Variants in LINGO2 observed in about 807,000 individuals in gnomAD.
The protein encoded by LINGO2 is leucine rich repeat and Ig domain containing 2, also known as leucine-rich repeat and immunoglobulin-like domain-containing nogo receptor-interacting protein 2.
Under a neutral mutation model 30.6 loss-of-function variants are expected in LINGO2, and 14 were observed. That is an observed-to-expected ratio of 0.46 (90% CI 0.30 to 0.72). The LOEUF is 0.72. Among genes scored for constraint, LINGO2 ranks in the 30% least tolerant of loss-of-function variants. The probability of loss-of-function intolerance (pLI) is 0.07; values close to 1 mark genes in which losing one functional copy is unlikely to be tolerated. For synonymous variants in LINGO2, 317 were observed against 288.5 expected (o/e 1.10, Z -1.00); for missense variants, 729 against 751.7 (o/e 0.97, Z 0.35).
At chr9:28,602,606 G>A (rs546358250) in intron 1 of LINGO2, among the ~76,000 whole-genome samples, 1 of 152,054 alleles carries the variant, frequency 6.6e-6, no homozygotes, top group East Asian at 1.9e-4. Flanking sequence ...TTTTTCCAGA[G>A]AAAAGAAATA....
chr9:28,826,535 A>G, the LINGO2 span, among the ~76,000 whole-genome samples: 1 of 152,138 alleles, frequency 6.6e-6, no homozygotes, highest in African/African-American at 2.4e-5. Context: ...GTCTTGTTAA[A>G]TATGCTCCAG....
At chr9:28,080,072 G>T (rs1182280018) in intron 4 of LINGO2, among the ~76,000 whole-genome samples, 1 of 152,140 alleles carries the variant, frequency 6.6e-6, no homozygotes, top group Admixed American at 6.5e-5. Context: ...CCACTGTTAT[G>T]CCATAGTCTA....
chr9:28,109,381 G>C (rs939308028), intron 4 of LINGO2, among the ~76,000 whole-genome samples: 1 of 152,172 alleles, frequency 6.6e-6, no homozygotes, highest in African/African-American at 2.4e-5. Flanking sequence ...CATAGTATTG[G>C]AAGTTCTGGC....
intron 1 of LINGO2, among the ~76,000 whole-genome samples, chr9:28,556,011 T>C (rs1822662055): frequency 2.6e-5 from 4 of 152,094 alleles, no homozygotes; most frequent in Admixed American, 2.6e-4. Context: ...TAATATGAGC[T>C]ATCTATGACA....
the LINGO2 span, among the ~76,000 whole-genome samples, chr9:28,764,097 G>T: frequency 6.6e-6 from 1 of 150,982 alleles, no homozygotes; most frequent in Non-Finnish European, 1.5e-5. Flanking sequence ...ACCAAAAATC[G>T]GAAGAAGATT....
At chr9:28,968,929 T>C in the LINGO2 span, among the ~76,000 whole-genome samples, 1 of 152,258 alleles carries the variant, frequency 6.6e-6, no homozygotes, top group East Asian at 1.9e-4. Context: ...AGACACATGC[T>C]CCCAAAGGAA....
chr9:28,225,380 C>T lies in LINGO2; in HGVS notation c.-87+69828G>A, dbSNP rs1383369857. On this transcript the variant is annotated intron_variant, in intron 4 of 5. Transcript: ENST00000379992. ...ACAAATGTCAAGTTTCTTCAAATTACTATATATGTTAAATGCAATACAAAT... is the reference window on the plus strand; with the variant it reads ...ACAAATGTCAAGTTTCTTCAAATTATTATATATGTTAAATGCAATACAAAT... Among the ~76,000 whole-genome samples the T allele has an allele frequency of 8.8e-4, 134 of 152,112 alleles. 1 individual carries two copies. Among genetic ancestry groups the T allele is most frequent in the Non-Finnish European group, 3.5e-4 (24 of 67,966 alleles).
Position 28,179,496 on chromosome 9 carries a change from T to C in LINGO2, c.-87+115712A>G, listed in dbSNP as rs530790934. On this transcript the variant is annotated intron_variant, in intron 4 of 5. Coordinates refer to ENST00000379992, the Ensembl canonical transcript of LINGO2. ...TATATATAGTTTATAGTATATATAC[T>C]ATATATGTACTATATATAGTTTATA... Among the ~76,000 whole-genome samples, 74 of 133,286 alleles carry C rather than the reference T, an allele frequency of 5.6e-4. 1 individual carries two copies. The South Asian group carries it at 0.016, about 29-fold the overall frequency. 87.4% of individuals were successfully genotyped at this position (133,286 alleles called of 152,430 possible).
intron 2 of LINGO2, among the ~76,000 whole-genome samples, chr9:28,397,394 T>G (rs1822092876): frequency 6.7e-6 from 1 of 148,664 alleles, no homozygotes. Context: ...TATACACACA[T>G]TATGGTATGG....
exon 6 of LINGO2, chr9:27,949,886 A>G (rs1823554496): frequency 6.2e-7 from 1 of 1,613,978 alleles, no homozygotes; most frequent in Non-Finnish European, 8.5e-7. Context: ...AGGGTACAGT[A>G]GACAGATTGG....
At chr9:28,618,751 A>C (rs1271250098) in intron 1 of LINGO2, among the ~76,000 whole-genome samples, 2 of 152,154 alleles carry the variant, frequency 1.3e-5, no homozygotes, top group Non-Finnish European at 2.9e-5. Context: ...AGTCTAAAGG[A>C]GACACCAAGT....
the LINGO2 span, among the ~76,000 whole-genome samples, chr9:28,701,038 T>C: frequency 6.6e-6 from 1 of 152,084 alleles, no homozygotes; most frequent in Non-Finnish European, 1.5e-5. Context: ...AAGCATTCTT[T>C]GTGTATTTTG....
At chr9:29,054,310 T>C in the LINGO2 span, among the ~76,000 whole-genome samples, 1 of 152,166 alleles carries the variant, frequency 6.6e-6, no homozygotes, top group Non-Finnish European at 1.5e-5. Context: ...GAAAAACAAA[T>C]GGAACTGAAT....
intron 3 of LINGO2, among the ~76,000 whole-genome samples, chr9:28,372,326 T>C (rs532332596): frequency 1.2e-3 from 180 of 152,348 alleles, no homozygotes; most frequent in African/African-American, 4.0e-3. Flanking sequence ...TTTCATATTG[T>C]TTCATATTAA....
intron 1 of LINGO2, among the ~76,000 whole-genome samples, chr9:28,655,603 A>G (rs1197887423): frequency 6.6e-6 from 1 of 151,994 alleles, no homozygotes; most frequent in Non-Finnish European, 1.5e-5. Flanking sequence ...ACTTCCCATA[A>G]TCCCCGCATG....
the LINGO2 span, among the ~76,000 whole-genome samples, chr9:28,873,111 C>T: frequency 6.6e-6 from 1 of 152,030 alleles, no homozygotes; most frequent in Non-Finnish European, 1.5e-5. Flanking sequence ...TTTGGTGGCT[C>T]ACACTGTAAT....
At chr9:29,147,629 C>T in the LINGO2 span, among the ~76,000 whole-genome samples, 1 of 152,028 alleles carries the variant, frequency 6.6e-6, no homozygotes, top group Non-Finnish European at 1.5e-5. Flanking sequence ...AATTATCTTC[C>T]AAATATATCC....
At chr9:28,880,515 T>C in the LINGO2 span, among the ~76,000 whole-genome samples, 2 of 152,284 alleles carry the variant, frequency 1.3e-5, no homozygotes, top group African/African-American at 2.4e-5. Context: ...CAATGCACTG[T>C]GGAAAGCCGC....
At chr9:28,477,403 A>T (rs531125702) in intron 1 of LINGO2, among the ~76,000 whole-genome samples, 1 of 152,262 alleles carries the variant, frequency 6.6e-6, no homozygotes, top group Non-Finnish European at 1.5e-5. Flanking sequence ...AGTAAAAAAA[A>T]CAGGGTAGGA....
Sources: allele counts gnomAD v4.1 joint callset (sites outside exome capture counted in the v4.1 genomes callset), GRCh38; gene constraint gnomAD v4.1.1; transcripts MANE v1.5; gene names NCBI Gene and HGNC (gene_info 2026-07-23, HGNC 2026-07-21).